Variants in SAXO1 observed in about 807,000 individuals in gnomAD.
SAXO1 encodes the protein stabilizer of axonemal microtubules 1.
In SAXO1, 21 loss-of-function variants were observed where a neutral mutation model predicts 17.5. The ratio of observed to expected loss-of-function variants is 1.20; its 90% CI spans 0.85 to 1.72. SAXO1 has a LOEUF of 1.72. SAXO1 is among the 40% of genes most tolerant of loss of function. SAXO1 has a pLI of 0.00. For missense variants in SAXO1, 843 were observed against 596.0 expected, an observed-to-expected ratio of 1.41 and a Z score of -4.32; for synonymous variants, 274 against 216.5, an observed-to-expected ratio of 1.27 and a Z score of -2.33.
intron 1 of SAXO1, among the ~76,000 whole-genome samples, chr9:19,021,471 G>C (rs962452452): frequency 1.3e-5 from 2 of 152,190 alleles, no homozygotes; most frequent in Non-Finnish European, 2.9e-5. Context: ...GTCGCCAGCA[G>C]AGGCTGTAGA....
intron 1 of SAXO1, among the ~76,000 whole-genome samples, chr9:18,964,650 TTTC>T (rs1832641577): frequency 6.6e-6 from 1 of 152,198 alleles, no homozygotes; most frequent in Non-Finnish European, 1.5e-5. Context: ...TCTTCTCTCT[TTTC>T]TTCTTTATTA....
chr9:18,931,161 T>C (rs1405015258), intron 3 of SAXO1, among the ~76,000 whole-genome samples: 1 of 152,198 alleles, frequency 6.6e-6, no homozygotes, highest in Non-Finnish European at 1.5e-5. Flanking sequence ...ATTATCTTCA[T>C]TTGTAGTCAG....
chr9:19,006,779 C>T (rs193101849), intron 1 of SAXO1, among the ~76,000 whole-genome samples: 43 of 152,242 alleles, frequency 2.8e-4, no homozygotes, highest in Admixed American at 9.1e-4. Context: ...GGTGTGGTGG[C>T]TCATGCCTAT....
chr9:19,008,776 G>C (rs1397609674), intron 1 of SAXO1, among the ~76,000 whole-genome samples: 1 of 152,160 alleles, frequency 6.6e-6, no homozygotes. Context: ...TCAGAAAGGA[G>C]AAGGAGGGGA....
intron 1 of SAXO1, among the ~76,000 whole-genome samples, chr9:19,025,873 G>C (rs1310149882): frequency 7.9e-6 from 1 of 126,754 alleles, no homozygotes; most frequent in Non-Finnish European, 1.6e-5. Context: ...AAGGCTTTTA[G>C]AATTACACTT....
chr9:19,039,301 C>T (rs149515871), intron 1 of SAXO1, among the ~76,000 whole-genome samples: 1 of 152,076 alleles, frequency 6.6e-6, no homozygotes, highest in Non-Finnish European at 1.5e-5. Flanking sequence ...TTATTTAATG[C>T]GCTGTGGAAC....
intron 1 of SAXO1, among the ~76,000 whole-genome samples, chr9:19,026,238 T>C (rs888327466): frequency 2.6e-5 from 4 of 152,184 alleles, no homozygotes; most frequent in African/African-American, 9.7e-5. Flanking sequence ...ACAATCATTA[T>C]GTATCAATTT....
chr9:18,930,660 C>T (rs1051518338), intron 3 of SAXO1, among the ~76,000 whole-genome samples: 6 of 152,126 alleles, frequency 3.9e-5, no homozygotes, highest in Admixed American at 1.3e-4. Flanking sequence ...CCACCGCACC[C>T]GGCTAATTTT....
At chr9:18,997,464 T>G (rs1470397227) in intron 1 of SAXO1, among the ~76,000 whole-genome samples, 1 of 152,192 alleles carries the variant, frequency 6.6e-6, no homozygotes, top group Non-Finnish European at 1.5e-5. Flanking sequence ...GCAGGAAAGC[T>G]CAAACTGGGC....
chr9:18,964,097 A>G (rs1832614547), intron 1 of SAXO1, among the ~76,000 whole-genome samples: 1 of 152,234 alleles, frequency 6.6e-6, no homozygotes, highest in Non-Finnish European at 1.5e-5. Flanking sequence ...ATGTTTAACC[A>G]ACCTCGCATC....
At chr9:18,977,402 T>A (rs570225638) in intron 1 of SAXO1, among the ~76,000 whole-genome samples, 8 of 152,326 alleles carry the variant, frequency 5.3e-5, no homozygotes, top group African/African-American at 1.4e-4. Context: ...ACTTATTTCA[T>A]CTTCATTACA....
intron 1 of SAXO1, among the ~76,000 whole-genome samples, chr9:18,954,886 T>C (rs978982969): frequency 2.3e-4 from 34 of 148,434 alleles, no homozygotes; most frequent in Non-Finnish European, 3.6e-4. Flanking sequence ...ACAACTGCAC[T>C]GGTACACTGG....
chr9:19,027,854 G>T, intron 1 of SAXO1: 2 of 1,388,392 alleles, frequency 1.4e-6, no homozygotes, highest in Admixed American at 1.9e-5. Context: ...CCTGGACCCC[G>T]CCCTGCTACG....
chr9:18,933,491 A>C (rs1011302712), intron 3 of SAXO1, among the ~76,000 whole-genome samples: 2 of 152,206 alleles, frequency 1.3e-5, no homozygotes, highest in African/African-American at 4.8e-5. Context: ...AGTATGCTTT[A>C]CTACTTTTTG....
Position 18,941,675 on chromosome 9 carries a change from G to A in SAXO1, c.383C>T (p.Pro128Leu). The change falls in exon 3 of 4, where the codon CCA becomes CTA. Residue 128 changes from proline to leucine, a missense_variant. Coordinates refer to ENST00000380534, the MANE Select transcript of SAXO1 (RefSeq NM_153707.4). ...DPIKPRDSKYPCSDKMECLPT... is the reference protein window; with the variant it reads ...DPIKPRDSKYLCSDKMECLPT... ...CAAACACTCCATCTTGTCGCTACAT[G>A]GATATTTACTGTCCCGAGGTTTGAT... is the stretch of plus-strand genomic sequence containing the variant. 1 of 1,614,126 alleles carries A rather than the reference G, an allele frequency of 6.2e-7. No individual in the cohort carries two copies. Among genetic ancestry groups the A allele is most frequent in the Non-Finnish European group, 8.5e-7 (1 of 1,180,014 alleles).
chr9:18,931,166 A>G (rs964309545), intron 3 of SAXO1, among the ~76,000 whole-genome samples: 1 of 152,216 alleles, frequency 6.6e-6, no homozygotes, highest in Admixed American at 6.5e-5. Context: ...CTTCATTTGT[A>G]GTCAGTCTTT....
chr9:18,980,456 T>C (rs1833326492), intron 1 of SAXO1, among the ~76,000 whole-genome samples: 1 of 150,944 alleles, frequency 6.6e-6, no homozygotes, highest in Non-Finnish European at 1.5e-5. Context: ...AACTGGCATG[T>C]GACTTCCTTC....
At chr9:19,012,622 T>C (rs1834796559) in intron 1 of SAXO1, among the ~76,000 whole-genome samples, 1 of 152,152 alleles carries the variant, frequency 6.6e-6, no homozygotes, top group South Asian at 2.1e-4. Context: ...ACCCACCCAG[T>C]CCCTAATCTC....
intron 1 of SAXO1, among the ~76,000 whole-genome samples, chr9:18,989,067 G>T (rs1462092274): frequency 1.3e-5 from 2 of 152,038 alleles, no homozygotes; most frequent in African/African-American, 4.8e-5. Context: ...AACAGCTATA[G>T]AATGAGTTAT....
Sources: gnomAD v4.1 joint callset for allele counts (sites outside exome capture counted in the v4.1 genomes callset) on GRCh38, gnomAD v4.1.1 for gene constraint, MANE v1.5 for transcripts, NCBI Gene and HGNC (gene_info 2026-07-23, HGNC 2026-07-21) for gene names.